Variants in CALB1 observed in about 807,000 individuals in gnomAD.
CALB1 encodes calbindin.
In CALB1, 16 loss-of-function variants were observed where a neutral mutation model predicts 46.7. The observed-to-expected ratio is 0.34, with a 90% CI of 0.23 to 0.52. The LOEUF (loss-of-function observed/expected upper bound fraction) is 0.52, where lower values mean the gene tolerates loss of function less well. Ranked by LOEUF, CALB1 falls within the 20% of genes least tolerant of loss-of-function variation. CALB1 has a pLI of 0.95. For missense variants in CALB1, 224 were observed against 300.3 expected, an observed-to-expected ratio of 0.75 and a Z score of 1.88; for synonymous variants, 90 against 112.8, an observed-to-expected ratio of 0.80 and a Z score of 1.28.
chr8:90,074,473 T>G (rs1412167822), intron 3 of CALB1, among the ~76,000 whole-genome samples: 1 of 152,128 alleles, frequency 6.6e-6, no homozygotes, highest in African/African-American at 2.4e-5. Context: ...GTCCCTTACC[T>G]TCATCACCCT....
intron 2 of CALB1, chr8:90,081,416 C>T (rs759150850): frequency 2.4e-4 from 223 of 932,096 alleles, no homozygotes; most frequent in Non-Finnish European, 2.8e-4. Flanking sequence ...GGCAACTTAC[C>T]CTTAGTGAGG....
At chr8:90,071,958 AGC>A (rs1428971779) in intron 3 of CALB1, among the ~76,000 whole-genome samples, 2 of 152,184 alleles carry the variant, frequency 1.3e-5, no homozygotes, top group Admixed American at 1.3e-4. Flanking sequence ...CATGGTATCT[AGC>A]ATGTTATATG....
intron 5 of CALB1, among the ~76,000 whole-genome samples, chr8:90,067,055 G>A (rs1370300622): frequency 6.6e-6 from 1 of 152,006 alleles, no homozygotes; most frequent in African/African-American, 2.4e-5. Flanking sequence ...GTGAAGCATG[G>A]AAAATTCAAA....
At position 90,069,027 on chromosome 8, in the gene CALB1, T is replaced by C. The variant is rs1814451311; in HGVS notation, c.343A>G (p.Ser115Gly). Reference sequence around the variant, plus strand: ...AGCTCCTCAGTTTCTATGAAGCCACTGTGGTCAGTATCATATTTTCTCCAT... The same window carrying C: ...AGCTCCTCAGTTTCTATGAAGCCACCGTGGTCAGTATCATATTTTCTCCAT... Reference protein sequence around the residue: ...KTWRKYDTDHSGFIETEELKN... With the variant: ...KTWRKYDTDHGGFIETEELKN... Residue 115 changes from serine (S) to glycine (G), a missense_variant, in exon 5 of 11, where the codon AGT becomes GGT. Coordinates refer to ENST00000265431, the MANE Select transcript of CALB1 (RefSeq NM_004929.4). 6.2e-7 allele frequency: 1 copy of C among 1,613,220 alleles called. No individual in the cohort carries two copies. The highest frequency in any genetic ancestry group is 8.5e-7 in the Non-Finnish European group (1 of 1,179,700).
chr8:90,063,252 A>AT, intron 8 of CALB1, 29 bp downstream of exon 8: 2 of 1,567,412 alleles, frequency 1.3e-6, no homozygotes, highest in Non-Finnish European at 1.8e-6. Context: ...CAAGGAAAAT[A>AT]TTATTTAAGG....
chr8:90,073,372 C>T (rs1043560070), intron 3 of CALB1, among the ~76,000 whole-genome samples: 1 of 152,056 alleles, frequency 6.6e-6, no homozygotes, highest in Non-Finnish European at 1.5e-5. Flanking sequence ...AAGGAGGTGG[C>T]ATCCTATGAC....
intron 6 of CALB1, chr8:90,063,796 C>G (rs1048229210): frequency 1.4e-5 from 3 of 212,246 alleles, no homozygotes; most frequent in Non-Finnish European, 2.8e-5. Flanking sequence ...CATCTGGAAT[C>G]TCTCCAATAA....
intron 5 of CALB1, among the ~76,000 whole-genome samples, chr8:90,067,805 T>C (rs377605056): frequency 5.3e-5 from 8 of 152,184 alleles, no homozygotes; most frequent in African/African-American, 1.7e-4. Flanking sequence ...ATATTCTAGG[T>C]ACAAATCCAG....
intron 3 of CALB1, among the ~76,000 whole-genome samples, chr8:90,075,950 A>C (rs1198179357): frequency 6.6e-6 from 1 of 152,028 alleles, no homozygotes; most frequent in Non-Finnish European, 1.5e-5. Context: ...ACTCCCTGCA[A>C]ATGGGACCTT....
chr8:90,060,731 C>G (rs1814282350), intron 9 of CALB1, 31 bp from the exon 10 acceptor site: 2 of 1,460,168 alleles, frequency 1.4e-6, no homozygotes, highest in Admixed American at 1.7e-5. Flanking sequence ...TAGTATACAA[C>G]CAACTCCATC....
At chr8:90,082,573 G>C (rs771230606) in intron 1 of CALB1, 46 bp downstream of exon 1, 1 of 1,454,348 alleles carries the variant, frequency 6.9e-7, no homozygotes, top group Non-Finnish European at 9.7e-7. Context: ...AATGGGAAGG[G>C]GCATGGAAAC....
chr8:90,060,045 C>A lies in CALB1; in HGVS notation c.*128G>T, dbSNP rs775134443. 3.1e-6 allele frequency: 2 copies of A among 651,428 alleles called. No individual in the cohort carries two copies. Among genetic ancestry groups the A allele is most frequent in the Admixed American group, 4.8e-5 (2 of 41,442 alleles). 40.4% of individuals were successfully genotyped at this position (651,428 alleles called of 1,614,324 possible). A position where few individuals can be genotyped will look rare whatever the true frequency, so the allele number is the denominator to read the frequency against. On this transcript the variant is annotated 3_prime_UTR_variant, in exon 11 of 11. Coordinates refer to ENST00000265431, the MANE Select transcript of CALB1 (RefSeq NM_004929.4). ...AACAAGCTGAAAAGAATGAGCCACA[C>A]ATCCTGGATAATTATCTATATGCAG...
At position 90,059,276 on chromosome 8, in the gene CALB1, C is replaced by G. The variant is rs901229274; in HGVS notation, c.*897G>C. ...GTAGTAAAAAATAGAGTTGTTATAG[C>G]TAGAAAAAAATATTTTCAGAGGCAG... On this transcript the variant is annotated 3_prime_UTR_variant, in exon 11 of 11. Coordinates refer to ENST00000265431, the MANE Select transcript of CALB1 (RefSeq NM_004929.4). 1.3e-5 allele frequency: 2 copies of G among 152,190 alleles called. No individual in the cohort carries two copies. Among genetic ancestry groups the G allele is most frequent in the African/African-American group, 4.8e-5 (2 of 41,294 alleles). 9.4% of individuals were successfully genotyped at this position (152,190 alleles called of 1,614,324 possible).
At chr8:90,067,682 A>AC (rs1255243579) in intron 5 of CALB1, among the ~76,000 whole-genome samples, 1 of 152,166 alleles carries the variant, frequency 6.6e-6, no homozygotes, top group Non-Finnish European at 1.5e-5. Context: ...TATGACTAGA[A>AC]CTGTTGATAT....
In CALB1 at chr8:90,068,982, G is replaced by A. The variant is rs1287427168; in HGVS notation, c.372+16C>T. On this transcript the variant is annotated intron_variant, in intron 5 of 10. Coordinates refer to ENST00000265431, the MANE Select transcript of CALB1 (RefSeq NM_004929.4). ...ATCTGAAAGGAAAAACTTAGTACAA[G>A]TTTTTATTTGCTTACCTTAAGCTCC... 1 of 1,592,990 alleles carries A rather than the reference G, an allele frequency of 6.3e-7. No homozygotes were observed. Among genetic ancestry groups the A allele is most frequent in the Admixed American group, 1.7e-5 (1 of 57,292 alleles).
intron 2 of CALB1, 35 bp downstream of exon 2, chr8:90,081,991 A>C (rs369599612): frequency 6.4e-7 from 1 of 1,567,194 alleles, no homozygotes. Flanking sequence ...TGGGGGTTAA[A>C]AGTCTTTTTT....
chr8:90,061,016 G>A lies in CALB1; in HGVS notation c.601-316C>T, dbSNP rs1814287741. 6 of 272,216 alleles carry A rather than the reference G, an allele frequency of 2.2e-5. No homozygotes were observed. The East Asian group carries it at 5.4e-4, about 24-fold the overall frequency. 16.9% of individuals were successfully genotyped at this position (272,216 alleles called of 1,614,324 possible). A position where few individuals can be genotyped will look rare whatever the true frequency, so the allele number is the denominator to read the frequency against. ...AACTGAGGGCTGAGGAAGGTATGTG[G>A]CTCTATGTCACACCAGGGTGTGGCA... On this transcript the variant is annotated intron_variant, in intron 9 of 10. Coordinates refer to ENST00000265431, the MANE Select transcript of CALB1 (RefSeq NM_004929.4).
chr8:90,060,148 T>C lies in CALB1; in HGVS notation c.*25A>G. The C allele has an allele frequency of 3.1e-6, 4 of 1,308,910 alleles. No individual in the cohort carries two copies. Among genetic ancestry groups the C allele is most frequent in the Non-Finnish European group, 4.4e-6 (4 of 901,618 alleles). 81.1% of individuals were successfully genotyped at this position (1,308,910 alleles called of 1,614,324 possible). A position where few individuals can be genotyped will look rare whatever the true frequency, so the allele number is the denominator to read the frequency against. ...TTATTTTTTAGATACAGTGTATCAC[T>C]AGCAAGTGGTTGCGGCCACCAACTC... On this transcript the variant is annotated 3_prime_UTR_variant, in exon 11 of 11. Coordinates refer to ENST00000265431, the MANE Select transcript of CALB1 (RefSeq NM_004929.4).
chr8:90,076,117 T>G (rs1052545421), intron 3 of CALB1, among the ~76,000 whole-genome samples: 1 of 152,076 alleles, frequency 6.6e-6, no homozygotes, highest in Non-Finnish European at 1.5e-5. Flanking sequence ...TTGTCTCCCT[T>G]TAAATTATTT....
Sources: gnomAD v4.1 joint callset for allele counts (sites outside exome capture counted in the v4.1 genomes callset) on GRCh38, gnomAD v4.1.1 for gene constraint, MANE v1.5 for transcripts, NCBI Gene and HGNC (gene_info 2026-07-23, HGNC 2026-07-21) for gene names.